Variants in STK40 observed in about 807,000 individuals in gnomAD.
STK40 encodes serine/threonine kinase 40, also known as serine/threonine-protein kinase 40.
Under a neutral mutation model 47.9 loss-of-function variants are expected in STK40, and 13 were observed. The ratio of observed to expected loss-of-function variants is 0.27; its 90% CI spans 0.18 to 0.43. The LOEUF is 0.43. STK40 is among the 20% of genes least tolerant of loss of function. The probability of loss-of-function intolerance (pLI) is 1.00; values close to 1 mark genes in which losing one functional copy is unlikely to be tolerated. For missense variants in STK40, 460 were observed against 595.1 expected, an observed-to-expected ratio of 0.77 and a Z score of 2.36; for synonymous variants, 225 against 243.2, an observed-to-expected ratio of 0.93 and a Z score of 0.69.
intron 7 of STK40, among the ~76,000 whole-genome samples, chr1:36,348,216 T>A (rs1266744294): frequency 6.6e-6 from 1 of 152,236 alleles, no homozygotes; most frequent in African/African-American, 2.4e-5. Flanking sequence ...AAGGATGACA[T>A]CTCTTACTGA....
chr1:36,362,637 A>G (rs1646862865), intron 1 of STK40: 1 of 152,218 alleles, frequency 6.6e-6, no homozygotes, highest in Non-Finnish European at 1.5e-5. Flanking sequence ...TTTTCTTCAT[A>G]TAAAAGTAAC....
intron 5 of STK40, 63 bp downstream of exon 5, chr1:36,355,143 C>G (rs1384759238): frequency 3.2e-6 from 5 of 1,544,620 alleles, no homozygotes; most frequent in Non-Finnish European, 3.6e-6. Context: ...GCCTTCTGCT[C>G]AGCAGCAGCA....
At position 36,384,283 on chromosome 1, in the gene STK40, G is replaced by A. The variant is rs559118113; in HGVS notation, c.-9+1440C>T. On this transcript the variant is annotated intron_variant, in intron 1 of 10. Coordinates refer to ENST00000373132, the MANE Select transcript of STK40 (RefSeq NM_001282547.2). ...GACCTCAGGTGATCCGCCCGCCTCGGCTTCCCAAAGTGTTGGGATTACAGG... is the reference window on the plus strand; with the variant it reads ...GACCTCAGGTGATCCGCCCGCCTCGACTTCCCAAAGTGTTGGGATTACAGG... Among the ~76,000 whole-genome samples the A allele has an allele frequency of 1.6e-3, 248 of 152,278 alleles. 4 individuals carry two copies. The highest frequency in any genetic ancestry group is 2.9e-3 in the Non-Finnish European group (195 of 68,030).
intron 1 of STK40, chr1:36,366,121 C>T (rs570710980): frequency 6.6e-6 from 1 of 152,494 alleles, no homozygotes; most frequent in Admixed American, 6.5e-5. Context: ...CTTTCTTTCC[C>T]AGGTCCCTGG....
intron 5 of STK40, 48 bp from the exon 6 acceptor site, chr1:36,354,464 G>GCCCT: frequency 6.2e-7 from 1 of 1,606,592 alleles, no homozygotes; most frequent in Non-Finnish European, 8.5e-7. Context: ...TGAGAGGTGG[G>GCCCT]GTCAGGGCCC....
intron 1 of STK40, chr1:36,367,800 G>A (rs1479943613): frequency 6.1e-6 from 6 of 985,966 alleles, no homozygotes; most frequent in Non-Finnish European, 7.2e-6. Flanking sequence ...ACACTGAGAA[G>A]CATCCCCACA....
chr1:36,349,806 A>ACACCCAATCCTGAACAGTAGG (rs1646734736), intron 6 of STK40, among the ~76,000 whole-genome samples: 1 of 152,138 alleles, frequency 6.6e-6, no homozygotes, highest in Non-Finnish European at 1.5e-5. Flanking sequence ...AGGCCTGGGA[A>ACACCCAATCCTGAACAGTAGG]AGGTTTCCTG....
At chr1:36,365,707 G>C (rs56824732) in intron 1 of STK40, among the ~76,000 whole-genome samples, 1 of 152,188 alleles carries the variant, frequency 6.6e-6, no homozygotes, top group African/African-American at 2.4e-5. Context: ...CACTTCCTCA[G>C]AGAAGTCTTC....
At chr1:36,377,295 G>C (rs1256521805) in intron 1 of STK40, among the ~76,000 whole-genome samples, 1 of 151,814 alleles carries the variant, frequency 6.6e-6, no homozygotes, top group Non-Finnish European at 1.5e-5. Flanking sequence ...CAGCACTTTG[G>C]GAGGCTGAGG....
chr1:36,358,161 T>A, intron 4 of STK40, 78 bp downstream of exon 4: 1 of 1,466,654 alleles, frequency 6.8e-7, no homozygotes. Context: ...GCTGCTCGTA[T>A]GGCTGTGGCC....
chr1:36,349,012 GC>G (rs989557884), intron 6 of STK40, among the ~76,000 whole-genome samples, 197 bp from the exon 7 acceptor site: 13 of 152,184 alleles, frequency 8.5e-5, no homozygotes, highest in African/African-American at 3.1e-4. Context: ...GACTTTTCTG[GC>G]CACCAGCCGA....
At chr1:36,344,021 T>C in intron 8 of STK40, 42 bp from the exon 9 acceptor site, 1 of 1,592,896 alleles carries the variant, frequency 6.3e-7, no homozygotes, top group African/African-American at 1.3e-5. Context: ...TGGGTGGTGC[T>C]GGGTCTGTGG....
At chr1:36,354,318 C>T in intron 6 of STK40, 46 bp downstream of exon 6, 1 of 1,607,212 alleles carries the variant, frequency 6.2e-7, no homozygotes, top group Non-Finnish European at 8.5e-7. Context: ...GTGTAGCCTG[C>T]CCCAGCCCCG....
intron 1 of STK40, among the ~76,000 whole-genome samples, chr1:36,382,490 A>C (rs924173434): frequency 2.0e-5 from 3 of 152,142 alleles, no homozygotes; most frequent in African/African-American, 7.2e-5. Context: ...ACCCATGTAT[A>C]CTTTAAAGTA....
intron 1 of STK40, among the ~76,000 whole-genome samples, chr1:36,367,225 A>C (rs1317540715): frequency 6.6e-6 from 1 of 152,146 alleles, no homozygotes; most frequent in East Asian, 1.9e-4. Flanking sequence ...TCAGAGAGGC[A>C]ACAATGAGGG....
In STK40 at chr1:36,341,510, G is replaced by A. The variant is rs1009286331; in HGVS notation, c.*245C>T. 1.8e-6 allele frequency: 1 copy of A among 553,832 alleles called. No individual in the cohort carries two copies. Among genetic ancestry groups the A allele is most frequent in the African/African-American group, 1.9e-5 (1 of 53,044 alleles). 34.3% of individuals were successfully genotyped at this position (553,832 alleles called of 1,614,324 possible). A position where few individuals can be genotyped will look rare whatever the true frequency, so the allele number is the denominator to read the frequency against. On this transcript the variant is annotated 3_prime_UTR_variant, in exon 11 of 11. Transcript: ENST00000373132. ...AGACAGAGGTAGATTAAAACATCGT[G>A]ATTAAAAGCAGATTAGTTATCTAGG... is the stretch of plus-strand genomic sequence containing the variant.
intron 1 of STK40, among the ~76,000 whole-genome samples, chr1:36,375,979 GC>G: frequency 6.6e-6 from 1 of 151,490 alleles, no homozygotes; most frequent in East Asian, 1.9e-4. Flanking sequence ...CTGAGATCGC[GC>G]CATTGCACTC....
At chr1:36,355,094 C>T in intron 5 of STK40, 112 bp downstream of exon 5, 1 of 1,127,360 alleles carries the variant, frequency 8.9e-7, no homozygotes, top group Non-Finnish European at 1.3e-6. Context: ...TTTGGACACT[C>T]CCAGCTGCAA....
chr1:36,371,645 A>G (rs1339729843), intron 1 of STK40, among the ~76,000 whole-genome samples: 2 of 140,758 alleles, frequency 1.4e-5, no homozygotes, highest in Non-Finnish European at 3.0e-5. Flanking sequence ...TGATCCTGCC[A>G]CTGTACTCCA....
Sources: gnomAD v4.1 joint callset for allele counts (sites outside exome capture counted in the v4.1 genomes callset) on GRCh38, gnomAD v4.1.1 for gene constraint, MANE v1.5 for transcripts, NCBI Gene and HGNC (gene_info 2026-07-23, HGNC 2026-07-21) for gene names.